Variants in IRS1 observed in about 807,000 individuals in gnomAD.
IRS1 encodes the protein insulin receptor substrate 1.
In IRS1, 34 loss-of-function variants were observed where a neutral mutation model predicts 65.6. The observed-to-expected ratio is 0.52, with a 90% CI of 0.39 to 0.69. The LOEUF is 0.69. Among genes scored for constraint, IRS1 ranks in the 30% least tolerant of loss-of-function variants. The probability of loss-of-function intolerance (pLI) is 0.00; values close to 1 mark genes in which losing one functional copy is unlikely to be tolerated. For synonymous variants in IRS1, 699 were observed against 683.5 expected, an observed-to-expected ratio of 1.02 and a Z score of -0.35; for missense variants, 1,641 against 1,720.2, an observed-to-expected ratio of 0.95 and a Z score of 0.81.
At chr2:226,760,015 T>C (rs1360379094) in intron 1 of IRS1, among the ~76,000 whole-genome samples, 1 of 152,054 alleles carries the variant, frequency 6.6e-6, no homozygotes, top group Non-Finnish European at 1.5e-5. Context: ...CCTCTATTTT[T>C]AGAAGTACAA....
chr2:226,736,977 AC>A (rs1938337551), intron 1 of IRS1, among the ~76,000 whole-genome samples: 1 of 152,072 alleles, frequency 6.6e-6, no homozygotes, highest in Admixed American at 6.6e-5. Flanking sequence ...GTTTTAGGGT[AC>A]ACATGCACAT....
intron 1 of IRS1, among the ~76,000 whole-genome samples, chr2:226,777,227 G>A (rs80040842): frequency 2.3e-3 from 354 of 152,280 alleles, no homozygotes; most frequent in African/African-American, 8.2e-3. Flanking sequence ...TGTTAATAAA[G>A]GCAGAAACTA....
Position 226,795,143 on chromosome 2 carries a change from G to A in IRS1, c.3596C>T (p.Pro1199Leu), listed in dbSNP as rs372040825. The change falls in exon 1 of 2, where the codon CCG (proline) becomes CTG (leucine). Residue 1199 changes from proline (P) to leucine (L), a missense_variant. This residue lies in a region of IRS1 where 1,324 missense variants were observed against 1,361.0 expected (regional missense o/e 0.97). Coordinates refer to ENST00000305123, the MANE Select transcript of IRS1 (RefSeq NM_005544.3). ...AGGGGGTGGGGGTGGGGGAGGCTGCGGTTCAGGGGTGCACTCCTGAGGGCA... is the reference window on the plus strand; with the variant it reads ...AGGGGGTGGGGGTGGGGGAGGCTGCAGTTCAGGGGTGCACTCCTGAGGGCA... ...KQCPQECTPEPQPPPPPPPHQ... is the reference protein window; with the variant it reads ...KQCPQECTPELQPPPPPPPHQ... 22 of 1,613,078 alleles carry A rather than the reference G, an allele frequency of 1.4e-5. No individual in the cohort carries two copies. The highest frequency in any genetic ancestry group is 1.9e-5 in the Non-Finnish European group (22 of 1,179,820).
intron 1 of IRS1, among the ~76,000 whole-genome samples, chr2:226,767,116 G>A (rs575205289): frequency 8.6e-5 from 13 of 151,926 alleles, no homozygotes; most frequent in African/African-American, 3.1e-4. Flanking sequence ...CCAGAAAAAA[G>A]GCCTGATATG....
At chr2:226,758,408 A>C (rs1184511432) in intron 1 of IRS1, among the ~76,000 whole-genome samples, 2 of 152,194 alleles carry the variant, frequency 1.3e-5, no homozygotes, top group East Asian at 3.8e-4. Context: ...GTGAAAATCG[A>C]ATACCTTTAT....
At chr2:226,743,404 A>T (rs1384155005) in intron 1 of IRS1, among the ~76,000 whole-genome samples, 1 of 151,966 alleles carries the variant, frequency 6.6e-6, no homozygotes, top group Non-Finnish European at 1.5e-5. Flanking sequence ...TAATTTTTGT[A>T]TCTTTAGCAA....
intron 1 of IRS1, among the ~76,000 whole-genome samples, chr2:226,737,408 C>T (rs190900332): frequency 6.6e-6 from 1 of 152,202 alleles, no homozygotes; most frequent in Admixed American, 6.6e-5. Flanking sequence ...TATTACACTA[C>T]CTAGTCTTTT....
At chr2:226,755,127 G>A (rs1298432201) in intron 1 of IRS1, among the ~76,000 whole-genome samples, 1 of 152,068 alleles carries the variant, frequency 6.6e-6, no homozygotes, top group East Asian at 1.9e-4. Flanking sequence ...GCTTTCCTTC[G>A]GTCCTTCCAT....
chr2:226,774,448 A>G (rs1457322833), intron 1 of IRS1, among the ~76,000 whole-genome samples: 1 of 152,172 alleles, frequency 6.6e-6, no homozygotes, highest in Non-Finnish European at 1.5e-5. Flanking sequence ...CAAATGTCCA[A>G]CTATGTCCAG....
At position 226,797,667 on chromosome 2, in the gene IRS1, G is replaced by T. The variant is rs1939769026; in HGVS notation, c.1072C>A (p.Arg358=). The T allele has an allele frequency of 6.3e-7, 1 of 1,595,466 alleles. No individual in the cohort carries two copies. The highest frequency in any genetic ancestry group is 8.5e-7 in the Non-Finnish European group (1 of 1,177,516). The part of the protein sequence containing the change: ...SPSTNRTHAH[R]HRGSARLHPP... ...TGCAGCCGGGCGCTGCCCCGATGCC[G>T]GTGGGCGTGGGTTCTGTTGGTGCTG... The change falls in exon 1 of 2, where the codon CGG becomes AGG. Residue 358 remains arginine (R), a synonymous_variant. Transcript: ENST00000305123. The surrounding 1 kb of genome is among the most constrained non-coding windows in gnomAD (Gnocchi z 8.1).
chr2:226,791,635 C>T (rs547774609), intron 1 of IRS1, among the ~76,000 whole-genome samples: 3 of 151,958 alleles, frequency 2.0e-5, no homozygotes, highest in Non-Finnish European at 2.9e-5. Context: ...GGCCCAGGGA[C>T]GCCCGCCCGC....
intron 1 of IRS1, among the ~76,000 whole-genome samples, chr2:226,776,790 C>T (rs539827305): frequency 6.6e-6 from 1 of 152,186 alleles, no homozygotes; most frequent in African/African-American, 2.4e-5. Context: ...ACCCATAATC[C>T]CAACTACTCA....
intron 1 of IRS1, among the ~76,000 whole-genome samples, chr2:226,776,588 A>G (rs1939278856): frequency 6.6e-6 from 1 of 152,168 alleles, no homozygotes; most frequent in African/African-American, 2.4e-5. Context: ...GCACCTATCA[A>G]GGTGATGAAA....
At chr2:226,753,814 T>G (rs191577329) in intron 1 of IRS1, among the ~76,000 whole-genome samples, 35 of 152,274 alleles carry the variant, frequency 2.3e-4, no homozygotes, top group Admixed American at 2.2e-3. Flanking sequence ...TATTTTCTTT[T>G]GATAATATAT....
chr2:226,754,572 T>C (rs1053390072), intron 1 of IRS1, among the ~76,000 whole-genome samples: 1 of 152,184 alleles, frequency 6.6e-6, no homozygotes, highest in Admixed American at 6.5e-5. Flanking sequence ...AAGGGACAAT[T>C]AGGATTCAAA....
At chr2:226,791,858 C>G (rs1005303528) in intron 1 of IRS1, among the ~76,000 whole-genome samples, 8 of 152,066 alleles carry the variant, frequency 5.3e-5, no homozygotes, top group African/African-American at 1.9e-4. Context: ...CTGGATGACC[C>G]GAGACGGGCG....
intron 1 of IRS1, among the ~76,000 whole-genome samples, chr2:226,764,334 G>A (rs921692762): frequency 8.5e-5 from 11 of 130,058 alleles, no homozygotes; most frequent in African/African-American, 3.6e-4. Flanking sequence ...GCTTGAGGTC[G>A]GAAGTTTGAG....
intron 1 of IRS1, among the ~76,000 whole-genome samples, chr2:226,754,608 TA>T (rs1440332522): frequency 5.9e-5 from 9 of 152,188 alleles, no homozygotes; most frequent in African/African-American, 1.9e-4. Flanking sequence ...CAAAAATTTA[TA>T]GACAATGCTA....
chr2:226,752,448 A>G (rs1362266179), intron 1 of IRS1, among the ~76,000 whole-genome samples: 1 of 152,168 alleles, frequency 6.6e-6, no homozygotes, highest in African/African-American at 2.4e-5. Flanking sequence ...ATAAAGTTTT[A>G]TGGCAGTCAA....
Sources: gnomAD v4.1 joint callset for allele counts (sites outside exome capture counted in the v4.1 genomes callset) on GRCh38, gnomAD v4.1.1 for gene constraint, gnomAD v4.1.1 regional missense constraint, Gnocchi (gnomAD v3.1) non-coding constraint, MANE v1.5 for transcripts, NCBI Gene and HGNC (gene_info 2026-07-23, HGNC 2026-07-21) for gene names.